Variants in MSH3 observed in about 807,000 individuals in gnomAD.
MSH3 encodes DNA mismatch repair protein Msh3.
Under a neutral mutation model 123.3 loss-of-function variants are expected in MSH3, and 106 were observed. The ratio of observed to expected loss-of-function variants is 0.86; its 90% confidence interval spans 0.73 to 1.01. The LOEUF (loss-of-function observed/expected upper bound fraction) is 1.01. Ranked by LOEUF, MSH3 falls within the 50% of genes least tolerant of loss-of-function variation. The pLI, the probability that MSH3 is intolerant of heterozygous loss-of-function variation, is 0.00. For synonymous variants in MSH3, 515 were observed against 481.4 expected, an observed-to-expected ratio of 1.07 and a Z score of -0.91; for missense variants, 1,459 against 1,347.6, an observed-to-expected ratio of 1.08 and a Z score of -1.29.
intron 8 of MSH3, among the ~76,000 whole-genome samples, chr5:80,691,531 C>T (rs1252155717): frequency 1.4e-5 from 2 of 143,446 alleles, no homozygotes; most frequent in Non-Finnish European, 3.1e-5. Flanking sequence ...CAATGCAATT[C>T]TTTTTTTTTT....
intron 8 of MSH3, among the ~76,000 whole-genome samples, chr5:80,686,364 A>G (rs1035894880): frequency 6.6e-6 from 1 of 151,908 alleles, no homozygotes; most frequent in African/African-American, 2.4e-5. Context: ...GTGCAGTGGC[A>G]TGATCTCAGT....
rs147657467 is a variant in MSH3, at chr5:80,768,973, T to C, written c.2223T>C (p.Ser741=). The change falls in exon 15 of 24, where the codon TCT becomes TCC. Residue 741 remains serine, a synonymous_variant. Coordinates refer to ENST00000265081, the MANE Select transcript of MSH3 (RefSeq NM_002439.5). ...QEIRKILKNP[S]AQYVTVSGQE... is the part of the protein sequence containing the mutation. ...TACGAAAAATACTAAAAAATCCTTCTGCACAATATGTGACAGTATCAGGAC... is the reference window on the plus strand; with the variant it reads ...TACGAAAAATACTAAAAAATCCTTCCGCACAATATGTGACAGTATCAGGAC... 37 of 1,612,896 alleles carry C rather than the reference T, an allele frequency of 2.3e-5. 1 individual carries two copies. The highest frequency in any genetic ancestry group is 3.1e-5 in the Non-Finnish European group (37 of 1,179,272).
At chr5:80,858,129 C>T (rs569976266) in intron 21 of MSH3, among the ~76,000 whole-genome samples, 69 of 152,122 alleles carry the variant, frequency 4.5e-4, no homozygotes, top group Non-Finnish European at 3.8e-4. Context: ...ACTGCAACCT[C>T]GACTCCCTGG....
intron 20 of MSH3, among the ~76,000 whole-genome samples, chr5:80,853,478 A>G (rs1347990753): frequency 6.6e-6 from 1 of 152,134 alleles, no homozygotes; most frequent in African/African-American, 2.4e-5. Flanking sequence ...CCTGTCCAAA[A>G]AAAAAAAAGC....
chr5:80,741,971 T>A (rs1271868665), intron 11 of MSH3, among the ~76,000 whole-genome samples: 1 of 151,974 alleles, frequency 6.6e-6, no homozygotes, highest in Non-Finnish European at 1.5e-5. Flanking sequence ...AGTTTGACTG[T>A]AAGATGCATA....
intron 10 of MSH3, among the ~76,000 whole-genome samples, chr5:80,735,002 A>G (rs1431379663): frequency 6.6e-6 from 1 of 152,182 alleles, no homozygotes; most frequent in Non-Finnish European, 1.5e-5. Flanking sequence ...TTTTTTATGA[A>G]TGAAAGCAGA....
intron 11 of MSH3, among the ~76,000 whole-genome samples, chr5:80,743,061 C>A (rs1028988326): frequency 6.6e-6 from 1 of 152,004 alleles, no homozygotes; most frequent in Non-Finnish European, 1.5e-5. Flanking sequence ...ACCCCCACCG[C>A]CCCTCGCCCA....
chr5:80,742,504 A>G (rs1480811348), intron 11 of MSH3, among the ~76,000 whole-genome samples: 1 of 152,244 alleles, frequency 6.6e-6, no homozygotes, highest in African/African-American at 2.4e-5. Flanking sequence ...AGTACTGGAG[A>G]ATCATCTGAA....
intron 8 of MSH3, among the ~76,000 whole-genome samples, chr5:80,712,180 C>T (rs1750872292): frequency 6.6e-6 from 1 of 152,180 alleles, no homozygotes; most frequent in African/African-American, 2.4e-5. Flanking sequence ...TCCCAGCCTC[C>T]AGGGTTCTAG....
At chr5:80,823,256 G>A (rs1745233100) in intron 20 of MSH3, among the ~76,000 whole-genome samples, 1 of 152,152 alleles carries the variant, frequency 6.6e-6, no homozygotes, top group South Asian at 2.1e-4. Context: ...AAATAAATGT[G>A]TGAAAAAAGT....
chr5:80,845,283 T>TG (rs573738113), intron 20 of MSH3, among the ~76,000 whole-genome samples: 487 of 152,366 alleles, frequency 3.2e-3, no homozygotes, highest in African/African-American at 0.011. Context: ...GTTAGTCTGA[T>TG]GGGCTTCCCT....
chr5:80,659,254 A>G (rs1749370258), intron 2 of MSH3, among the ~76,000 whole-genome samples: 1 of 151,410 alleles, frequency 6.6e-6, no homozygotes, highest in Non-Finnish European at 1.5e-5. Context: ...AAAAAGATAC[A>G]GTTATGCAAT....
intron 19 of MSH3, among the ~76,000 whole-genome samples, chr5:80,812,896 G>A (rs1561486432): frequency 6.6e-6 from 1 of 152,170 alleles, no homozygotes; most frequent in Non-Finnish European, 1.5e-5. Flanking sequence ...TTGCCAAAAT[G>A]TGGGATTCAC....
At chr5:80,805,743 C>T (rs904170815) in intron 19 of MSH3, among the ~76,000 whole-genome samples, 3 of 151,676 alleles carry the variant, frequency 2.0e-5, no homozygotes, top group East Asian at 2.0e-4. Context: ...TACAGGCATG[C>T]GCCACCACGA....
intron 8 of MSH3, among the ~76,000 whole-genome samples, chr5:80,723,946 A>G (rs1189359170): frequency 6.6e-6 from 1 of 151,844 alleles, no homozygotes; most frequent in Non-Finnish European, 1.5e-5. Context: ...TATTTTTTGT[A>G]GAGAGAGCCA....
chr5:80,838,926 G>C (rs1745565838), intron 20 of MSH3, among the ~76,000 whole-genome samples: 1 of 152,142 alleles, frequency 6.6e-6, no homozygotes. Context: ...CAATGAGACA[G>C]CTAATTTTTT....
intron 8 of MSH3, among the ~76,000 whole-genome samples, chr5:80,718,589 G>A (rs1453395083): frequency 6.8e-6 from 1 of 146,550 alleles, no homozygotes; most frequent in Non-Finnish European, 1.5e-5. Flanking sequence ...TAGAGTTTAA[G>A]ATATTCCTCT....
In MSH3 at chr5:80,690,521, T is replaced by G. The variant is rs912633646; in HGVS notation, c.1340+11428T>G. On this transcript the variant is annotated intron_variant, in intron 8 of 23. Transcript: ENST00000265081. Reference sequence around the variant, plus strand: ...GTATTTTCGTAGGGGTTTCGCTGTGTAGGTCAAACTGGTCTCGAACTCCTG... The same window carrying G: ...GTATTTTCGTAGGGGTTTCGCTGTGGAGGTCAAACTGGTCTCGAACTCCTG... Among the ~76,000 whole-genome samples, 4 of 152,268 alleles carry G rather than the reference T, an allele frequency of 2.6e-5. No individual in the cohort carries two copies. In the South Asian group the frequency reaches 8.3e-4, roughly 32 times the overall value.
chr5:80,783,229 G>T (rs1744440091), intron 17 of MSH3, among the ~76,000 whole-genome samples: 1 of 152,274 alleles, frequency 6.6e-6, no homozygotes, highest in South Asian at 2.1e-4. Flanking sequence ...TTGGCCAGAG[G>T]TTAAATCATA....
Sources: gnomAD v4.1 joint callset for allele counts (sites outside exome capture counted in the v4.1 genomes callset) on GRCh38, gnomAD v4.1.1 for gene constraint, MANE v1.5 for transcripts, NCBI Gene and HGNC (gene_info 2026-07-23, HGNC 2026-07-21) for gene names.